Variants in SCUBE2 observed in about 807,000 individuals in gnomAD.
SCUBE2 encodes the protein signal peptide, CUB domain and EGF like domain containing 2, also known as signal peptide, CUB and EGF-like domain-containing protein 2.
Under a neutral mutation model 125.9 loss-of-function variants are expected in SCUBE2, and 114 were observed. The ratio of observed to expected loss-of-function variants is 0.91; its 90% CI spans 0.78 to 1.06. The LOEUF (loss-of-function observed/expected upper bound fraction) is 1.06. Among genes scored for constraint, SCUBE2 ranks in the 50% least tolerant of loss-of-function variants. The pLI is 0.00. For missense variants in SCUBE2, 1,255 were observed against 1,301.8 expected, an observed-to-expected ratio of 0.96 and a Z score of 0.55; for synonymous variants, 459 against 492.9, an observed-to-expected ratio of 0.93 and a Z score of 0.91.
In SCUBE2 at chr11:9,019,795, T is replaced by G. The variant is rs1000142630; in HGVS notation, c.*1250A>C. Among the ~76,000 whole-genome samples, 1 of 152,198 alleles carries G rather than the reference T, an allele frequency of 6.6e-6. No individual in the cohort carries two copies. Among genetic ancestry groups the G allele is most frequent in the Admixed American group, 6.5e-5 (1 of 15,292 alleles). ...AACAAAACACTATAGTTGTAGGTAG[T>G]CCATCCATTAGGGAAGTGGTGGCTT... On this transcript the variant is annotated 3_prime_UTR_variant, in exon 23 of 23. Transcript: ENST00000649792.
In SCUBE2 at chr11:9,021,795, G is replaced by A. The variant is rs749030840; in HGVS notation, c.2934+81C>T. 151 of 1,037,932 alleles carry A rather than the reference G, an allele frequency of 1.5e-4. 1 individual carries two copies. The highest frequency in any genetic ancestry group is 3.2e-5 in the Non-Finnish European group (21 of 660,698). 64.3% of individuals were successfully genotyped at this position (1,037,932 alleles called of 1,614,324 possible). A position where few individuals can be genotyped will look rare whatever the true frequency, so the allele number is the denominator to read the frequency against. On this transcript the variant is annotated intron_variant, in intron 22 of 22. Transcript: ENST00000649792. ...TCCGTGTCTGAAAGGTGGCAACAAG[G>A]AGCAGGAGGAGAAGCCTTCTCCAAC...
chr11:9,086,022 G>C (rs1256433457), intron 2 of SCUBE2, among the ~76,000 whole-genome samples: 1 of 152,014 alleles, frequency 6.6e-6, no homozygotes, highest in Non-Finnish European at 1.5e-5. Flanking sequence ...TTAGTAGAGA[G>C]AAGGTCTCAC....
intron 19 of SCUBE2, among the ~76,000 whole-genome samples, chr11:9,028,202 T>A (rs1394933685): frequency 1.7e-5 from 2 of 121,052 alleles, no homozygotes; most frequent in Non-Finnish European, 1.8e-5. Context: ...GCCTGGCTAA[T>A]TTTTTTTCCT....
At chr11:9,066,902 C>T in intron 5 of SCUBE2, 89 bp from the exon 6 acceptor site, 1 of 1,132,530 alleles carries the variant, frequency 8.8e-7, no homozygotes, top group Non-Finnish European at 1.3e-6. Flanking sequence ...GATTTTCATT[C>T]TGCAAGTATT....
At chr11:9,055,685 T>A (rs894080623) in intron 10 of SCUBE2, 108 bp downstream of exon 10, 2 of 797,370 alleles carry the variant, frequency 2.5e-6, no homozygotes, top group Non-Finnish European at 4.4e-6. Flanking sequence ...GGGACTGCAA[T>A]GTACCTTTCA....
intron 4 of SCUBE2, 81 bp from the exon 5 acceptor site, chr11:9,069,576 G>C: frequency 6.4e-7 from 1 of 1,568,872 alleles, no homozygotes; most frequent in South Asian, 1.1e-5. Flanking sequence ...GGGCTAAGGG[G>C]TGGCCCACAG....
chr11:9,045,769 A>C (rs140450314), intron 16 of SCUBE2, among the ~76,000 whole-genome samples: 20 of 152,238 alleles, frequency 1.3e-4, no homozygotes, highest in African/African-American at 4.8e-4. Flanking sequence ...GTCACTGGTA[A>C]CTGCTTGAGC....
At chr11:9,039,787 C>A (rs1182974376) in intron 16 of SCUBE2, among the ~76,000 whole-genome samples, 1 of 152,206 alleles carries the variant, frequency 6.6e-6, no homozygotes, top group Non-Finnish European at 1.5e-5. Context: ...GAAGCACTGG[C>A]ACCCACAACT....
intron 13 of SCUBE2, 89 bp from the exon 14 acceptor site, chr11:9,050,799 C>A: frequency 1.0e-6 from 1 of 978,818 alleles, no homozygotes; most frequent in Non-Finnish European, 1.6e-6. Flanking sequence ...CCATTGGTGG[C>A]TTCCACCACA....
chr11:9,060,267 A>T (rs1859537375), intron 8 of SCUBE2, 141 bp downstream of exon 8: 1 of 633,360 alleles, frequency 1.6e-6, no homozygotes, highest in South Asian at 2.1e-5. Flanking sequence ...AGGGGGAAAA[A>T]GCTCCCATTG....
intron 10 of SCUBE2, 103 bp downstream of exon 10, chr11:9,055,690 C>A (rs1277882742): frequency 2.4e-6 from 2 of 836,344 alleles, no homozygotes; most frequent in South Asian, 1.5e-5. Flanking sequence ...TGCAATGTAC[C>A]TTTCATACCC....
rs1227613169 is a variant in SCUBE2, at chr11:9,079,500, T to G, written c.266A>C (p.Glu89Ala). The G allele has an allele frequency of 6.2e-7, 1 of 1,613,588 alleles. No homozygotes were observed. The highest frequency in any genetic ancestry group is 1.1e-5 in the South Asian group (1 of 90,942). ...GEGRQCEDID[E>A]CGNELNGGCV... Reference sequence around the variant, plus strand: ...GCCTCCATTGAGCTCATTTCCACATTCATCGATGTCTGAGGAATAAAACAG... The same window carrying G: ...GCCTCCATTGAGCTCATTTCCACATGCATCGATGTCTGAGGAATAAAACAG... The change falls in exon 3 of 23, where the codon GAA becomes GCA. Residue 89 changes from glutamate to alanine, a missense_variant. By Grantham distance (107) the Glu-to-Ala change is moderately radical. Around this residue, in one of 3 missense-constraint regions of SCUBE2, gnomAD observed 362 missense variants for 323.0 expected, o/e 1.12. Transcript: ENST00000649792.
At chr11:9,061,451 C>T (rs868228271) in intron 7 of SCUBE2, among the ~76,000 whole-genome samples, 4 of 151,574 alleles carry the variant, frequency 2.6e-5, no homozygotes, top group Non-Finnish European at 4.4e-5. Flanking sequence ...CCCAGCTACT[C>T]GGGAGGCTGA....
In SCUBE2 at chr11:9,072,240, A is replaced by G. The variant is rs545145191; in HGVS notation, c.517+2241T>C. ...TTTTGTTTTATTGAGGTGGAGTCTC[A>G]CTCTGTCGCCCAGGCTGGAGTGCAG... On this transcript the variant is annotated intron_variant, in intron 4 of 22. Transcript: ENST00000649792. Among the ~76,000 whole-genome samples the G allele has an allele frequency of 3.3e-3, 504 of 151,924 alleles. 2 individuals are homozygous for G. Among genetic ancestry groups the G allele is most frequent in the African/African-American group, 0.012 (477 of 41,422 alleles).
intron 2 of SCUBE2, among the ~76,000 whole-genome samples, chr11:9,086,869 A>G (rs1358128584): frequency 6.6e-6 from 1 of 151,748 alleles, no homozygotes; most frequent in East Asian, 1.9e-4. Context: ...AAAAAAAAAA[A>G]AAAAGAGGGA....
At chr11:9,079,296 T>C (rs968016088) in intron 3 of SCUBE2, 88 bp downstream of exon 3, 48 of 1,518,680 alleles carry the variant, frequency 3.2e-5, no homozygotes, top group Non-Finnish European at 4.2e-5. Flanking sequence ...TCTGAGCCCG[T>C]TTTTGTCTTC....
intron 16 of SCUBE2, among the ~76,000 whole-genome samples, chr11:9,040,329 G>A (rs935642160): frequency 6.6e-6 from 1 of 152,194 alleles, no homozygotes; most frequent in African/African-American, 2.4e-5. Flanking sequence ...TGTGAATGTG[G>A]TCTCTCTCTC....
intron 21 of SCUBE2, chr11:9,024,386 G>A (rs770399849): frequency 5.7e-5 from 73 of 1,288,260 alleles, no homozygotes; most frequent in Non-Finnish European, 7.3e-5. Context: ...CCTTGTCTTG[G>A]GTGTTTGTTT....
chr11:9,086,451 C>T (rs965363323), intron 2 of SCUBE2, among the ~76,000 whole-genome samples: 2 of 152,216 alleles, frequency 1.3e-5, no homozygotes, highest in African/African-American at 4.8e-5. Context: ...GGAGTTACAT[C>T]TTTGTATATC....
Sources: allele counts gnomAD v4.1 joint callset (sites outside exome capture counted in the v4.1 genomes callset), GRCh38; gene constraint gnomAD v4.1.1; regional missense constraint gnomAD v4.1.1; transcripts MANE v1.5; gene names NCBI Gene and HGNC (gene_info 2026-07-23, HGNC 2026-07-21).